The following HUWE1 variants were observed in gnomAD, a reference collection of about 807,000 sequenced individuals.
HUWE1 encodes HECT, UBA and WWE domain containing E3 ubiquitin protein ligase 1.
Under a neutral mutation model 299.4 loss-of-function variants are expected in HUWE1, and 18 were observed. The observed-to-expected ratio is 0.06, with a 90% CI of 0.04 to 0.09. HUWE1 has a LOEUF of 0.09. HUWE1 is among the 10% of genes least tolerant of loss of function. The pLI is 1.00. For missense variants in HUWE1, 1,832 were observed against 3,462.3 expected, an observed-to-expected ratio of 0.53 and a Z score of 11.82; for synonymous variants, 1,317 against 1,286.1, an observed-to-expected ratio of 1.02 and a Z score of -0.51.
intron 2 of HUWE1, chrX:53,680,810 C>G (rs1218106970): frequency 8.9e-6 from 1 of 112,153 alleles, no homozygotes; most frequent in Non-Finnish European, 1.9e-5. Flanking sequence ...CACTGCTTAA[C>G]CCACGGTAAA....
At chrX:53,666,748 C>T (rs1385602248) in intron 3 of HUWE1, among the ~76,000 whole-genome samples, 5 of 111,700 alleles carry the variant, frequency 4.5e-5, no homozygotes, top group Admixed American at 9.5e-5. Context: ...ATCAGCACAC[C>T]TCTTTACTTA....
At chrX:53,555,626 C>T (rs2147437955) in intron 60 of HUWE1, among the ~76,000 whole-genome samples, 1 of 105,606 alleles carries the variant, frequency 9.5e-6, no homozygotes, top group Admixed American at 1.0e-4. Context: ...TGCGTCCAGC[C>T]CTTCAAAATC....
At position 53,580,961 on chromosome X, in the gene HUWE1, G is replaced by C; in HGVS notation, c.5586C>G (p.Leu1862=). The C allele has an allele frequency of 8.3e-7, 1 of 1,209,488 alleles. No individual in the cohort carries two copies. Among genetic ancestry groups the C allele is most frequent in the Non-Finnish European group, 1.1e-6 (1 of 894,333 alleles). ...GGATGTAGTTGATCTCCCGAGAGCC[G>C]AGGCTGCCAGACACAACACCAGAGG... is the stretch of plus-strand genomic sequence containing the variant. The part of the protein sequence containing the change: ...STTSGVVSGS[L]GSREINYILR... The change falls in exon 43 of 84, where the codon CTC becomes CTG. Residue 1862 remains leucine (L), a synonymous_variant. Coordinates refer to ENST00000262854, the MANE Select transcript of HUWE1 (RefSeq NM_031407.7).
At chrX:53,571,383 G>A (rs1381791604) in intron 47 of HUWE1, among the ~76,000 whole-genome samples, 3 of 111,955 alleles carry the variant, frequency 2.7e-5, no homozygotes, top group Non-Finnish European at 5.6e-5. Flanking sequence ...AGGCTGAGGC[G>A]GGAGGATCAC....
At chrX:53,626,441 C>T (rs2066511478) in intron 17 of HUWE1, among the ~76,000 whole-genome samples, 1 of 110,969 alleles carries the variant, frequency 9.0e-6, no homozygotes, top group Non-Finnish European at 1.9e-5. Context: ...CTCAATATTC[C>T]GATCTGGAAG....
chrX:53,534,283 G>A (rs1430114320), intron 82 of HUWE1, 86 bp from the exon 83 acceptor site: 19 of 875,237 alleles, frequency 2.2e-5, no homozygotes, highest in Non-Finnish European at 3.0e-5. Flanking sequence ...AAACAGGACT[G>A]GACTTGGTAT....
At chrX:53,651,470 T>G (rs1487673232) in intron 4 of HUWE1, among the ~76,000 whole-genome samples, 1 of 112,127 alleles carries the variant, frequency 8.9e-6, no homozygotes, top group Non-Finnish European at 1.9e-5. Flanking sequence ...AAAATGGCAA[T>G]GGTATTTGTA....
At chrX:53,601,439 CTCCCAAAGTGTTGGGATTAGAGACG>C (rs1448720632) in intron 28 of HUWE1, among the ~76,000 whole-genome samples, 1 of 110,932 alleles carries the variant, frequency 9.0e-6, no homozygotes, top group African/African-American at 3.3e-5. Flanking sequence ...CTGCCTCAGC[CTCCCAAAGTGTTGGGATTAGAGACG>C]TGAGCCACTG....
At chrX:53,579,330 G>T (rs1336222510) in intron 43 of HUWE1, among the ~76,000 whole-genome samples, 1 of 98,263 alleles carries the variant, frequency 1.0e-5, no homozygotes, top group Non-Finnish European at 2.1e-5. Context: ...TGGTGGGGGG[G>T]TCAGCCCCCC....
chrX:53,543,815 T>C (rs782698620), intron 73 of HUWE1, 26 bp downstream of exon 73: 1 of 1,211,019 alleles, frequency 8.3e-7, no homozygotes, highest in East Asian at 3.0e-5. Context: ...GACAAATGAA[T>C]GAGGGGCCAC....
chrX:53,573,899 C>T lies in HUWE1; in HGVS notation c.6163G>A (p.Gly2055Ser). 1 of 1,211,667 alleles carries T rather than the reference C, an allele frequency of 8.3e-7. No individual in the cohort carries two copies. Among genetic ancestry groups the T allele is most frequent in the Non-Finnish European group, 1.1e-6 (1 of 895,418 alleles). ...TTGCTGCCCTTGCCTTTCTGTTTGC[C>T]TTCCTCAGAGGCCCGGTCCCCTTCT... Reference protein sequence around the residue: ...DKEGDRASEEGKQKGKGSKPL... With the variant: ...DKEGDRASEESKQKGKGSKPL... Residue 2055 changes from glycine (G) to serine (S), a missense_variant, in exon 47 of 84, where the codon GGC becomes AGC. Transcript: ENST00000262854.
At chrX:53,665,181 T>C (rs2069187686) in intron 3 of HUWE1, among the ~76,000 whole-genome samples, 1 of 111,393 alleles carries the variant, frequency 9.0e-6, no homozygotes, top group South Asian at 3.8e-4. Flanking sequence ...AGTCTCCCTA[T>C]CCTTAGCCAC....
chrX:53,543,607 G>T, intron 73 of HUWE1: 1 of 446,732 alleles, frequency 2.2e-6, no homozygotes, highest in Non-Finnish European at 3.8e-6. Flanking sequence ...CGCCACTGTT[G>T]ACTGGATAGC....
intron 2 of HUWE1, among the ~76,000 whole-genome samples, chrX:53,682,372 G>C (rs995049752): frequency 4.5e-5 from 5 of 111,625 alleles, no homozygotes; most frequent in Non-Finnish European, 9.4e-5. Flanking sequence ...ATACCAGACC[G>C]CCGCCTATGA....
intron 31 of HUWE1, 101 bp from the exon 32 acceptor site, chrX:53,593,702 G>A (rs1285824434): frequency 1.9e-5 from 11 of 589,637 alleles, no homozygotes; most frequent in South Asian, 5.0e-5. Flanking sequence ...GGCCCTACAC[G>A]TCCCTCTTCT....
At chrX:53,661,907 T>G (rs2069023885) in intron 3 of HUWE1, among the ~76,000 whole-genome samples, 1 of 111,890 alleles carries the variant, frequency 8.9e-6, no homozygotes, top group Non-Finnish European at 1.9e-5. Flanking sequence ...AACTAAAATA[T>G]CCTGAGGGAA....
At chrX:53,608,132 A>C (rs2065243389) in intron 24 of HUWE1, among the ~76,000 whole-genome samples, 1 of 112,265 alleles carries the variant, frequency 8.9e-6, no homozygotes, top group Non-Finnish European at 1.9e-5. Flanking sequence ...ACTCTGGAAG[A>C]GTTTGTTTCA....
chrX:53,608,510 T>C (rs1316458189), intron 24 of HUWE1, among the ~76,000 whole-genome samples: 1 of 112,027 alleles, frequency 8.9e-6, no homozygotes, highest in Non-Finnish European at 1.9e-5. Flanking sequence ...TTCAGTGTTA[T>C]GTTGGTACTC....
At chrX:53,665,429 AAG>A (rs1179731111) in intron 3 of HUWE1, among the ~76,000 whole-genome samples, 1 of 112,223 alleles carries the variant, frequency 8.9e-6, no homozygotes, top group Non-Finnish European at 1.9e-5. Context: ...AGTTATGCTT[AAG>A]CAAGGAAAAT....
Sources: allele counts gnomAD v4.1 joint callset (sites outside exome capture counted in the v4.1 genomes callset), GRCh38; gene constraint gnomAD v4.1.1; transcripts MANE v1.5; gene names NCBI Gene and HGNC (gene_info 2026-07-23, HGNC 2026-07-21).